The following MTMR9 variants were observed in gnomAD, a reference collection of about 807,000 sequenced individuals.
MTMR9 encodes myotubularin-related protein 9.
In MTMR9, 39 loss-of-function variants were observed where a neutral mutation model predicts 69.5. The ratio of observed to expected loss-of-function variants is 0.56; its 90% CI spans 0.43 to 0.73. The LOEUF (loss-of-function observed/expected upper bound fraction) is 0.73, where lower values mean the gene tolerates loss of function less well. Among genes scored for constraint, MTMR9 ranks in the 30% least tolerant of loss-of-function variants. The pLI is 0.00. For synonymous variants in MTMR9, 354 were observed against 240.8 expected (o/e 1.47, Z -4.35); for missense variants, 900 against 671.2 (o/e 1.34, Z -3.77).
chr8:11,289,487 T>C (rs1563264319), intron 1 of MTMR9, among the ~76,000 whole-genome samples: 1 of 139,854 alleles, frequency 7.2e-6, no homozygotes, highest in East Asian at 2.0e-4. Context: ...TTATACCTGG[T>C]TTTTTTTTTA....
chr8:11,305,091 C>T, intron 4 of MTMR9, 77 bp downstream of exon 4: 1 of 1,408,252 alleles, frequency 7.1e-7, no homozygotes, highest in Admixed American at 2.0e-5. Context: ...TTCCCTTTTG[C>T]TCTCTGTCTG....
At chr8:11,287,740 ATT>A (rs1186860451) in intron 1 of MTMR9, among the ~76,000 whole-genome samples, 1 of 130,616 alleles carries the variant, frequency 7.7e-6, no homozygotes, top group East Asian at 2.0e-4. Flanking sequence ...ATTATATATT[ATT>A]TTCTTATATA....
At chr8:11,288,942 G>T in intron 1 of MTMR9, among the ~76,000 whole-genome samples, 1 of 152,214 alleles carries the variant, frequency 6.6e-6, no homozygotes, top group East Asian at 1.9e-4. Context: ...GGAGGCCGAG[G>T]CGGGCAGATC....
intron 1 of MTMR9, among the ~76,000 whole-genome samples, chr8:11,287,264 C>G (rs1799196356): frequency 6.6e-6 from 1 of 152,202 alleles, no homozygotes; most frequent in African/African-American, 2.4e-5. Context: ...AGTAGTTTCT[C>G]CATGACCATC....
chr8:11,316,565 T>A, intron 7 of MTMR9, 108 bp from the exon 8 acceptor site: 3 of 616,770 alleles, frequency 4.9e-6, no homozygotes, highest in Non-Finnish European at 8.2e-6. Context: ...TTATATGATG[T>A]TCCAGGTACT....
chr8:11,285,106 C>T, intron 1 of MTMR9, 36 bp downstream of exon 1: 3 of 1,502,260 alleles, frequency 2.0e-6, no homozygotes, highest in Middle Eastern at 1.9e-4. Context: ...CGCAGGGAGC[C>T]GGGGGTCCCT....
intron 3 of MTMR9, 104 bp downstream of exon 3, chr8:11,300,252 C>G (rs879103322): frequency 4.1e-5 from 51 of 1,243,114 alleles, no homozygotes; most frequent in South Asian, 2.6e-4. Flanking sequence ...GTGAAGTTGA[C>G]TTATCCATTC....
rs1800886241 is a variant in MTMR9, at chr8:11,325,408, A to T, written c.*2620A>T. 6.6e-6 allele frequency: 1 copy of T among 152,194 alleles called. No individual in the cohort carries two copies. Among genetic ancestry groups the T allele is most frequent in the African/African-American group, 2.4e-5 (1 of 41,450 alleles). The allele number at this position is 152,194 out of a possible 1,614,324, so 9.4% of individuals were successfully genotyped here. On this transcript the variant is annotated 3_prime_UTR_variant, in exon 10 of 10. Transcript: ENST00000221086. Reference sequence around the variant, plus strand: ...AGCTGCCTTTGATAAATGTGCTGTTAAACACTTGAATGAAGAGAATGGTGG... The same window carrying T: ...AGCTGCCTTTGATAAATGTGCTGTTTAACACTTGAATGAAGAGAATGGTGG...
At chr8:11,287,469 G>A (rs1451988979) in intron 1 of MTMR9, among the ~76,000 whole-genome samples, 4 of 151,458 alleles carry the variant, frequency 2.6e-5, no homozygotes, top group East Asian at 2.0e-4. Context: ...GGGAAGCAGC[G>A]TGGTGTAGTG....
At chr8:11,322,345 A>G (rs901777036) in intron 9 of MTMR9, among the ~76,000 whole-genome samples, 1 of 152,230 alleles carries the variant, frequency 6.6e-6, no homozygotes, top group Non-Finnish European at 1.5e-5. Context: ...ATATCATAAA[A>G]TGGTATTTGG....
At chr8:11,305,520 C>T (rs948867055) in intron 4 of MTMR9, among the ~76,000 whole-genome samples, 32 of 152,168 alleles carry the variant, frequency 2.1e-4, no homozygotes, top group Non-Finnish European at 4.1e-4. Flanking sequence ...ATGGTGGCGT[C>T]TTGAAAGAAC....
chr8:11,312,331 T>A (rs1322076890), intron 6 of MTMR9, among the ~76,000 whole-genome samples: 1 of 152,104 alleles, frequency 6.6e-6, no homozygotes, highest in South Asian at 2.1e-4. Flanking sequence ...ATTACAGGTC[T>A]GACCCACTGC....
At chr8:11,312,953 A>C (rs1360771063) in intron 6 of MTMR9, among the ~76,000 whole-genome samples, 1 of 152,194 alleles carries the variant, frequency 6.6e-6, no homozygotes, top group African/African-American at 2.4e-5. Context: ...TTTTCTTCTG[A>C]GCAGTAGGTC....
At position 11,322,703 on chromosome 8, in the gene MTMR9, A is replaced by G. The variant is rs1585138726; in HGVS notation, c.1565A>G (p.Asn522Ser). The change falls in exon 10 of 10, where the codon AAT becomes AGT. Residue 522 changes from asparagine to serine, a missense_variant. Physicochemically the swap from Asn to Ser is conservative, Grantham distance 46 (BLOSUM62 1). Coordinates refer to ENST00000221086, the MANE Select transcript of MTMR9 (RefSeq NM_015458.4). ...GAAATGGTTAACATCATTGAATATA[A>G]TAAAGAATTACAAGCAAAAGTCAAT... ...YEEMVNIIEY[N>S]KELQAKVNIL... 7 of 1,614,052 alleles carry G rather than the reference A, an allele frequency of 4.3e-6. No individual in the cohort carries two copies. In the East Asian group the frequency reaches 1.6e-4, roughly 36 times the overall value.
At chr8:11,332,998 A>G (rs1801291803), downstream of MTMR9, among the ~76,000 whole-genome samples, 1 of 152,204 alleles carries the variant, frequency 6.6e-6, no homozygotes, top group African/African-American at 2.4e-5. Context: ...AAAAAGAATA[A>G]AAATAGTGAA....
At chr8:11,335,768 A>C in the MTMR9 span, among the ~76,000 whole-genome samples, 1 of 152,156 alleles carries the variant, frequency 6.6e-6, no homozygotes, top group Non-Finnish European at 1.5e-5. Flanking sequence ...GCCTTCATCT[A>C]TACATGGCAT....
At chr8:11,291,948 G>C (rs1799391620) in intron 1 of MTMR9, among the ~76,000 whole-genome samples, 1 of 152,122 alleles carries the variant, frequency 6.6e-6, no homozygotes, top group South Asian at 2.1e-4. Context: ...ACTTTGATGT[G>C]TGTTGATATA....
At chr8:11,329,921 CG>C (rs1196739463), downstream of MTMR9, among the ~76,000 whole-genome samples, 3 of 151,818 alleles carry the variant, frequency 2.0e-5, no homozygotes, top group Non-Finnish European at 4.4e-5. Context: ...CGCCTCTGCC[CG>C]GCTGCGACCC....
At position 11,322,608 on chromosome 8, in the gene MTMR9, A is replaced by G; in HGVS notation, c.1487-17A>G. The G allele has an allele frequency of 6.2e-7, 1 of 1,610,610 alleles. No individual in the cohort carries two copies. The highest frequency in any genetic ancestry group is 8.5e-7 in the Non-Finnish European group (1 of 1,178,060). ...TATACCTTTCTTGCTTCTGTTTTCCATTCCTGGATTCAATAGGTATTTTCC... is the reference window on the plus strand; with the variant it reads ...TATACCTTTCTTGCTTCTGTTTTCCGTTCCTGGATTCAATAGGTATTTTCC... On this transcript the variant is annotated splice_polypyrimidine_tract_variant and intron_variant, in intron 9 of 9. Coordinates refer to ENST00000221086, the MANE Select transcript of MTMR9 (RefSeq NM_015458.4).
Sources: allele counts gnomAD v4.1 joint callset (sites outside exome capture counted in the v4.1 genomes callset), GRCh38; gene constraint gnomAD v4.1.1; transcripts MANE v1.5; gene names NCBI Gene and HGNC (gene_info 2026-07-23, HGNC 2026-07-21).